DAB1: variants seen among roughly 807,000 people sequenced by gnomAD.
The protein encoded by DAB1 is disabled homolog 1.
DAB1 carries 15 observed loss-of-function variants against 64.6 expected under a neutral mutation model. That is an observed-to-expected ratio of 0.23 (90% CI 0.16 to 0.36). The LOEUF is 0.36. DAB1 is among the 10% of genes least tolerant of loss of function. DAB1 has a pLI of 1.00. For synonymous variants in DAB1, 235 were observed against 251.9 expected (o/e 0.93, Z 0.64); for missense variants, 596 against 706.7 (o/e 0.84, Z 1.78).
At chr1:58,463,135 A>G (rs1435871503) in intron 3 of DAB1, among the ~76,000 whole-genome samples, 1 of 152,266 alleles carries the variant, frequency 6.6e-6, no homozygotes, top group Non-Finnish European at 1.5e-5. Flanking sequence ...CAAGAAATTA[A>G]AAGCTTTGTT....
chr1:57,154,052 A>G (rs1452359128), intron 2 of DAB1, among the ~76,000 whole-genome samples: 1 of 152,196 alleles, frequency 6.6e-6, no homozygotes, highest in Non-Finnish European at 1.5e-5. Context: ...TTTGTGTTAC[A>G]AACAATCCAA....
rs1311370305 is a variant in DAB1, at chr1:58,254,482, C to T, written n.309+88870G>A. Among the ~76,000 whole-genome samples the T allele has an allele frequency of 3.7e-4, 48 of 130,590 alleles. 1 individual carries two copies. Among genetic ancestry groups the T allele is most frequent in the Admixed American group, 3.4e-3 (44 of 12,982 alleles). The allele number at this position is 130,590 out of a possible 152,430, so 85.7% of individuals were successfully genotyped here. A position where few individuals can be genotyped will look rare whatever the true frequency, so the allele number is the denominator to read the frequency against. ...TATGTATACATGTGCCATGCTGGTGCGCTGCACCCACTAACTCGTCATCTA... is the reference window on the plus strand; with the variant it reads ...TATGTATACATGTGCCATGCTGGTGTGCTGCACCCACTAACTCGTCATCTA... On this transcript the variant is annotated intron_variant and non_coding_transcript_variant, in intron 4 of 20. Transcript: ENST00000485760.
At chr1:57,144,549 C>G (rs1024728185) in intron 3 of DAB1, among the ~76,000 whole-genome samples, 1 of 151,980 alleles carries the variant, frequency 6.6e-6, no homozygotes, top group African/African-American at 2.4e-5. Flanking sequence ...CAAAAATTAG[C>G]CAGGCCTGGT....
intron 1 of DAB1, among the ~76,000 whole-genome samples, chr1:57,303,961 C>G (rs897233914): frequency 6.6e-6 from 1 of 152,194 alleles, no homozygotes; most frequent in Non-Finnish European, 1.5e-5. Flanking sequence ...CTGCAACAAA[C>G]AGCCTGAAGC....
At chr1:57,586,536 T>C (rs771594491) in intron 7 of DAB1, among the ~76,000 whole-genome samples, 6 of 151,986 alleles carry the variant, frequency 3.9e-5, no homozygotes, top group Admixed American at 3.3e-4. Flanking sequence ...TGGCGAACCA[T>C]GCTGGCACCT....
intron 7 of DAB1, among the ~76,000 whole-genome samples, chr1:57,583,983 C>A (rs902725619): frequency 1.3e-5 from 2 of 152,168 alleles, no homozygotes; most frequent in Non-Finnish European, 2.9e-5. Context: ...CTGAGAAGGA[C>A]TCCGTACTTC....
intron 4 of DAB1, among the ~76,000 whole-genome samples, chr1:58,326,561 T>C (rs933210830): frequency 5.3e-5 from 8 of 152,210 alleles, no homozygotes; most frequent in African/African-American, 1.9e-4. Flanking sequence ...ATTCAGCAAA[T>C]GCTTCTTAGT....
At chr1:58,513,321 A>C (rs1646110430) in intron 2 of DAB1, among the ~76,000 whole-genome samples, 1 of 152,172 alleles carries the variant, frequency 6.6e-6, no homozygotes, top group South Asian at 2.1e-4. Flanking sequence ...GCCATGGAGA[A>C]CTGTGAGTCA....
chr1:57,066,192 G>A (rs3820577), intron 8 of DAB1, among the ~76,000 whole-genome samples: 27,656 of 152,074 alleles, frequency 0.18, 3,177 homozygotes, highest in East Asian at 0.48. Flanking sequence ...AAATGACCAT[G>A]TGGAAAGCTG....
chr1:57,553,402 G>GAAGGAAAGAA (rs1644939834), intron 7 of DAB1, among the ~76,000 whole-genome samples: 1 of 11,176 alleles, frequency 8.9e-5, no homozygotes, highest in Admixed American at 7.9e-4. Flanking sequence ...AAGAAAGAAA[G>GAAGGAAAGAA]AAAGAAAGAA....
intron 7 of DAB1, among the ~76,000 whole-genome samples, chr1:57,638,711 A>G (rs970471932): frequency 2.6e-5 from 4 of 152,210 alleles, no homozygotes; most frequent in East Asian, 1.9e-4. Flanking sequence ...AGGGGCTTGA[A>G]GAATACGTAG....
intron 2 of DAB1, among the ~76,000 whole-genome samples, chr1:57,245,354 C>T (rs1005639383): frequency 3.3e-5 from 5 of 152,110 alleles, no homozygotes; most frequent in African/African-American, 1.2e-4. Flanking sequence ...CATAGGTATA[C>T]ATGTGCATTG....
chr1:57,015,500 G>C, intron 11 of DAB1, 69 bp from the exon 12 acceptor site: 1 of 1,393,656 alleles, frequency 7.2e-7, no homozygotes, highest in Non-Finnish European at 9.7e-7. Flanking sequence ...CATGGACTCA[G>C]GTAATTGACA....
At chr1:58,066,017 C>T (rs1648835016) in intron 5 of DAB1, among the ~76,000 whole-genome samples, 1 of 152,210 alleles carries the variant, frequency 6.6e-6, no homozygotes, top group Non-Finnish European at 1.5e-5. Flanking sequence ...CCAACAAGTA[C>T]CATCTTGAAG....
At chr1:57,207,734 G>A (rs1665702187) in intron 2 of DAB1, among the ~76,000 whole-genome samples, 1 of 152,066 alleles carries the variant, frequency 6.6e-6, no homozygotes, top group African/African-American at 2.4e-5. Flanking sequence ...GTGAGCCACC[G>A]CGCCCGGCAC....
At chr1:57,047,194 C>A (rs1001797530) in intron 9 of DAB1, among the ~76,000 whole-genome samples, 2 of 152,174 alleles carry the variant, frequency 1.3e-5, no homozygotes, top group East Asian at 1.9e-4. Context: ...AGAGAAGAGA[C>A]CTAATCCCAA....
At chr1:57,578,228 A>C (rs1201867462) in intron 7 of DAB1, among the ~76,000 whole-genome samples, 1 of 152,126 alleles carries the variant, frequency 6.6e-6, no homozygotes, top group African/African-American at 2.4e-5. Context: ...CTATTTTTGA[A>C]TTTTCTATCA....
At chr1:57,187,130 T>C (rs1663645189) in intron 2 of DAB1, among the ~76,000 whole-genome samples, 1 of 152,216 alleles carries the variant, frequency 6.6e-6, no homozygotes, top group Non-Finnish European at 1.5e-5. Flanking sequence ...ATGAAGTACA[T>C]ACCTTCTGTG....
chr1:57,640,614 T>G (rs1646116958), intron 7 of DAB1, among the ~76,000 whole-genome samples: 1 of 152,174 alleles, frequency 6.6e-6, no homozygotes, highest in South Asian at 2.1e-4. Context: ...TCCCTTGTTC[T>G]AATCAATCCA....
Sources: allele counts gnomAD v4.1 joint callset (sites outside exome capture counted in the v4.1 genomes callset), GRCh38; gene constraint gnomAD v4.1.1; transcripts MANE v1.5; gene names NCBI Gene and HGNC (gene_info 2026-07-23, HGNC 2026-07-21).